The following WDR7 variants were observed in gnomAD, a reference collection of about 807,000 sequenced individuals.
WDR7 encodes WD repeat domain 7, also known as WD repeat-containing protein 7.
Under a neutral mutation model 169.4 loss-of-function variants are expected in WDR7, and 46 were observed. The ratio of observed to expected loss-of-function variants is 0.27; its 90% CI spans 0.21 to 0.35. The LOEUF (loss-of-function observed/expected upper bound fraction) is 0.35, where lower values mean the gene tolerates loss of function less well. Ranked by LOEUF, WDR7 falls within the 10% of genes least tolerant of loss-of-function variation. WDR7 has a pLI of 1.00. For synonymous variants in WDR7, 612 were observed against 666.8 expected, an observed-to-expected ratio of 0.92 and a Z score of 1.27; for missense variants, 1,534 against 1,859.3, an observed-to-expected ratio of 0.83 and a Z score of 3.22.
intron 19 of WDR7, among the ~76,000 whole-genome samples, chr18:56,794,895 ATAAAT>A (rs2145132694): frequency 6.6e-6 from 1 of 152,274 alleles, no homozygotes; most frequent in South Asian, 2.1e-4. Context: ...TATTTGTAGA[ATAAAT>A]TAGGTTTGTA....
At chr18:56,670,272 T>C (rs573093007) in intron 1 of WDR7, among the ~76,000 whole-genome samples, 1 of 152,308 alleles carries the variant, frequency 6.6e-6, no homozygotes, top group East Asian at 1.9e-4. Flanking sequence ...TGGTGGCTTT[T>C]CTGAAGTTTC....
intron 25 of WDR7, among the ~76,000 whole-genome samples, chr18:56,952,544 A>C (rs1347583535): frequency 6.6e-6 from 1 of 152,208 alleles, no homozygotes; most frequent in East Asian, 1.9e-4. Context: ...ACGTAATCCT[A>C]CACTAAGACT....
intron 26 of WDR7, among the ~76,000 whole-genome samples, chr18:56,991,307 C>T (rs928254061): frequency 1.3e-5 from 2 of 152,126 alleles, no homozygotes; most frequent in Non-Finnish European, 2.9e-5. Flanking sequence ...TCACCACTCC[C>T]GGCTGATTTT....
At chr18:56,703,952 A>G (rs142916909) in intron 12 of WDR7, among the ~76,000 whole-genome samples, 5 of 152,296 alleles carry the variant, frequency 3.3e-5, no homozygotes, top group African/African-American at 9.6e-5. Flanking sequence ...GCTTTTGAAC[A>G]GGTATTGTCA....
At chr18:56,907,479 A>G (rs540394863) in intron 21 of WDR7, among the ~76,000 whole-genome samples, 2 of 152,308 alleles carry the variant, frequency 1.3e-5, no homozygotes, top group African/African-American at 4.8e-5. Context: ...GGAGTAAACC[A>G]TAATAACCTC....
At chr18:56,736,781 T>C (rs970268042) in intron 14 of WDR7, among the ~76,000 whole-genome samples, 1 of 151,896 alleles carries the variant, frequency 6.6e-6, no homozygotes, top group African/African-American at 2.4e-5. Flanking sequence ...AGAAATTAGC[T>C]TTTGATGGAA....
intron 26 of WDR7, among the ~76,000 whole-genome samples, chr18:57,002,583 G>T (rs34880883): frequency 0.23 from 34,424 of 152,038 alleles, 4,528 homozygotes; most frequent in Non-Finnish European, 0.3. Context: ...AGCGAAAAGA[G>T]ACTAAGAAAG....
At chr18:56,784,340 G>T (rs1257266156) in intron 19 of WDR7, among the ~76,000 whole-genome samples, 1 of 152,162 alleles carries the variant, frequency 6.6e-6, no homozygotes, top group Non-Finnish European at 1.5e-5. Flanking sequence ...TAAAGTGTGA[G>T]ATTTTAGTGC....
At chr18:56,821,405 A>G (rs2045094163) in intron 20 of WDR7, among the ~76,000 whole-genome samples, 1 of 152,186 alleles carries the variant, frequency 6.6e-6, no homozygotes, top group South Asian at 2.1e-4. Flanking sequence ...TTACAGGGTC[A>G]CATATGTACC....
chr18:57,011,169 T>C (rs779692350), intron 26 of WDR7, among the ~76,000 whole-genome samples: 13 of 152,222 alleles, frequency 8.5e-5, no homozygotes, highest in Non-Finnish European at 1.9e-4. Context: ...TGTATGTGTA[T>C]ATGTGCATAT....
At chr18:56,901,555 T>TGAAG (rs1195565947) in intron 21 of WDR7, among the ~76,000 whole-genome samples, 1 of 152,208 alleles carries the variant, frequency 6.6e-6, no homozygotes, top group East Asian at 1.9e-4. Context: ...GTCCCATCGC[T>TGAAG]TACCTAGTAC....
intron 21 of WDR7, among the ~76,000 whole-genome samples, chr18:56,906,626 C>A (rs1379908266): frequency 1.3e-5 from 2 of 150,870 alleles, no homozygotes; most frequent in African/African-American, 4.9e-5. Context: ...TCACAGCAAC[C>A]TCCACCTGCC....
At chr18:56,863,855 A>G (rs1257150388) in intron 20 of WDR7, among the ~76,000 whole-genome samples, 2 of 151,772 alleles carry the variant, frequency 1.3e-5, no homozygotes, top group Non-Finnish European at 3.0e-5. Flanking sequence ...CTATTGATGT[A>G]CCTTAACAAG....
chr18:56,969,153 C>A (rs1234100288), intron 26 of WDR7, among the ~76,000 whole-genome samples: 1 of 152,196 alleles, frequency 6.6e-6, no homozygotes, highest in Non-Finnish European at 1.5e-5. Context: ...CTAGCCCATA[C>A]TTTCTACCAG....
At chr18:56,879,718 A>G (rs1476408455) in intron 20 of WDR7, among the ~76,000 whole-genome samples, 1 of 150,150 alleles carries the variant, frequency 6.7e-6, no homozygotes, top group Non-Finnish European at 1.5e-5. Context: ...TTTTTGTTTT[A>G]GCTGTTATAT....
At chr18:56,842,576 C>T (rs2045502759) in intron 20 of WDR7, among the ~76,000 whole-genome samples, 1 of 152,140 alleles carries the variant, frequency 6.6e-6, no homozygotes, top group Non-Finnish European at 1.5e-5. Context: ...ACTTGACAGT[C>T]TATTGTATAG....
intron 26 of WDR7, among the ~76,000 whole-genome samples, chr18:56,988,765 T>G (rs2047766199): frequency 6.6e-6 from 1 of 152,114 alleles, no homozygotes; most frequent in South Asian, 2.1e-4. Context: ...AGTTGGAAGT[T>G]CTATAGGGAA....
chr18:56,651,686 C>T lies in WDR7; in HGVS notation c.-20+110C>T, dbSNP rs147070256. On this transcript the variant is annotated intron_variant, in intron 1 of 27. Transcript: ENST00000254442. ...GTCACAAACCCGCTCTAGCCGGGGG[C>T]GGTGCTAGCTGTCAGATCGCTGCGG... 993 of 152,510 alleles carry T rather than the reference C, an allele frequency of 6.5e-3. 5 individuals carry two copies. The highest frequency in any genetic ancestry group is 0.03 in the Middle Eastern group (9 of 296). 9.4% of individuals were successfully genotyped at this position (152,510 alleles called of 1,614,324 possible). A position where few individuals can be genotyped will look rare whatever the true frequency, so the allele number is the denominator to read the frequency against.
chr18:56,934,989 A>T (rs1034171578), intron 22 of WDR7, among the ~76,000 whole-genome samples: 1 of 152,212 alleles, frequency 6.6e-6, no homozygotes. Flanking sequence ...TATAATATAA[A>T]GGAAGCTTGG....
Sources: gnomAD v4.1 joint callset for allele counts (sites outside exome capture counted in the v4.1 genomes callset) on GRCh38, gnomAD v4.1.1 for gene constraint, MANE v1.5 for transcripts, NCBI Gene and HGNC (gene_info 2026-07-23, HGNC 2026-07-21) for gene names.